The following ZNF516 variants were observed in gnomAD, a reference collection of about 807,000 sequenced individuals.
ZNF516 encodes zinc finger protein 516.
A neutral mutation model predicts 79.7 loss-of-function variants in ZNF516; 19 were observed. The ratio of observed to expected loss-of-function variants is 0.24; its 90% CI spans 0.17 to 0.35. The LOEUF is 0.35. Ranked by LOEUF, ZNF516 falls within the 10% of genes least tolerant of loss-of-function variation. ZNF516 has a pLI of 1.00. For synonymous variants in ZNF516, 877 were observed against 739.5 expected (o/e 1.19, Z -3.02); for missense variants, 1,678 against 1,679.5 (o/e 1.00, Z 0.02).
At chr18:76,397,178 G>A (rs1309230953) in intron 3 of ZNF516, among the ~76,000 whole-genome samples, 1 of 152,162 alleles carries the variant, frequency 6.6e-6, no homozygotes, top group African/African-American at 2.4e-5. Context: ...CAAACACCAA[G>A]GCCATGGAGT....
rs776664715 is a variant in ZNF516 at position 76,442,365 on chromosome 18, G to A, written c.690C>T (p.Gly230=). The change falls in exon 3 of 7, where the codon GGC becomes GGT. Residue 230 remains glycine (G), a synonymous_variant. Transcript: ENST00000443185. ...ERDHITAQGP[G]SGEACVENGK... The stretch of plus-strand genomic sequence containing the variant: ...CGTTCTCCACGCAGGCCTCGCCGCT[G>A]CCGGGCCCCTGCGCGGTGATGTGGT... 1.1e-5 allele frequency: 18 copies of A among 1,609,476 alleles called. No individual in the cohort carries two copies. The East Asian group carries it at 3.8e-4, about 34-fold the overall frequency.
intron 2 of ZNF516, among the ~76,000 whole-genome samples, chr18:76,458,257 T>C (rs1912853522): frequency 6.6e-6 from 1 of 152,254 alleles, no homozygotes; most frequent in Non-Finnish European, 1.5e-5. Flanking sequence ...AGTTTCATTT[T>C]ACGTCCTTTC....
intron 1 of ZNF516, among the ~76,000 whole-genome samples, chr18:76,468,417 CTTTTTTT>C (rs58648821): frequency 7.8e-5 from 10 of 127,424 alleles, no homozygotes; most frequent in African/African-American, 3.0e-4. Flanking sequence ...TCATTAGTGT[CTTTTTTT>C]TTTTTTTTTT....
At chr18:76,414,945 C>T (rs1019097136) in intron 3 of ZNF516, among the ~76,000 whole-genome samples, 2 of 152,232 alleles carry the variant, frequency 1.3e-5, no homozygotes, top group Admixed American at 1.3e-4. Context: ...CGCCTGTAAT[C>T]TCAGCACTTT....
chr18:76,402,521 C>G (rs2075245120), intron 3 of ZNF516, among the ~76,000 whole-genome samples: 1 of 152,206 alleles, frequency 6.6e-6, no homozygotes, highest in Non-Finnish European at 1.5e-5. Context: ...AGTGGCCCCT[C>G]AGGGACCCAG....
chr18:76,364,677 C>T (rs919998307), intron 6 of ZNF516, among the ~76,000 whole-genome samples: 3 of 151,890 alleles, frequency 2.0e-5, no homozygotes, highest in Non-Finnish European at 4.4e-5. Context: ...CGATGCCCCG[C>T]ACACAAAAAA....
At chr18:76,386,497 G>C (rs904420952) in intron 3 of ZNF516, 1 of 152,210 alleles carries the variant, frequency 6.6e-6, no homozygotes, top group African/African-American at 2.4e-5. Flanking sequence ...TAAAGGTTAA[G>C]AAAAGGTAAA....
intron 3 of ZNF516, among the ~76,000 whole-genome samples, chr18:76,421,119 C>T (rs1166417605): frequency 1.3e-5 from 2 of 152,242 alleles, no homozygotes; most frequent in Non-Finnish European, 2.9e-5. Context: ...GCATCCCAAA[C>T]ACCACTCTTA....
rs1396780254 is a variant in ZNF516, at chr18:76,492,980, G to A, written c.-272+2164C>T. 1.0e-5 allele frequency: 10 copies of A among 985,420 alleles called. No homozygotes were observed. The South Asian group carries it at 1.9e-4, about 19-fold the overall frequency. The allele number at this position is 985,420 out of a possible 1,614,324, so 61.0% of individuals were successfully genotyped here. A position where few individuals can be genotyped will look rare whatever the true frequency, so the allele number is the denominator to read the frequency against. ...GACACATGGGCTCATGCACGCGCACGCGCGCGCTCACACACACACCCCAAA... is the reference window on the plus strand; with the variant it reads ...GACACATGGGCTCATGCACGCGCACACGCGCGCTCACACACACACCCCAAA... On this transcript the variant is annotated intron_variant, in intron 1 of 6. Coordinates refer to ENST00000443185, the MANE Select transcript of ZNF516 (RefSeq NM_014643.4).
chr18:76,486,106 A>G (rs1023608348), intron 1 of ZNF516, among the ~76,000 whole-genome samples: 4 of 152,182 alleles, frequency 2.6e-5, no homozygotes, highest in African/African-American at 4.8e-5. Flanking sequence ...ATTGAATGGC[A>G]AACTATTTCT....
At chr18:76,437,151 C>T (rs1157480992) in intron 3 of ZNF516, among the ~76,000 whole-genome samples, 1 of 151,188 alleles carries the variant, frequency 6.6e-6, no homozygotes, top group African/African-American at 2.4e-5. Flanking sequence ...TGTGTTCTAT[C>T]AGAAAGAAAG....
chr18:76,456,752 T>TGGGGGGGGG (rs5826456), intron 2 of ZNF516, among the ~76,000 whole-genome samples: 3 of 117,598 alleles, frequency 2.6e-5, no homozygotes, highest in Non-Finnish European at 3.6e-5. Context: ...GGCTGGGGGG[T>TGGGGGGGGG]GGGGGGGGGC....
intron 2 of ZNF516, among the ~76,000 whole-genome samples, chr18:76,458,654 G>A (rs1043251058): frequency 9.2e-5 from 12 of 129,876 alleles, no homozygotes; most frequent in East Asian, 8.1e-4. Flanking sequence ...ACCGTCGTGC[G>A]TGTGCGTGCC....
intron 1 of ZNF516, among the ~76,000 whole-genome samples, chr18:76,477,260 T>C (rs1450636239): frequency 6.6e-6 from 1 of 152,186 alleles, no homozygotes; most frequent in African/African-American, 2.4e-5. Flanking sequence ...GAATTCTAGT[T>C]TGTTTCAATA....
chr18:76,410,713 C>T (rs528801955), intron 3 of ZNF516, among the ~76,000 whole-genome samples: 18 of 152,194 alleles, frequency 1.2e-4, no homozygotes, highest in Non-Finnish European at 2.5e-4. Flanking sequence ...TTGTGGGAGA[C>T]TTGAGAGTCG....
At chr18:76,397,805 G>A (rs950822530) in intron 3 of ZNF516, among the ~76,000 whole-genome samples, 2 of 152,098 alleles carry the variant, frequency 1.3e-5, no homozygotes, top group Admixed American at 6.5e-5. Flanking sequence ...TCACTCTGTT[G>A]CCAGGCTGTT....
At chr18:76,465,126 A>G (rs1255367800) in intron 1 of ZNF516, among the ~76,000 whole-genome samples, 2 of 152,242 alleles carry the variant, frequency 1.3e-5, no homozygotes, top group Admixed American at 6.5e-5. Context: ...GGTCATCCAC[A>G]CTATCTGCTG....
intron 1 of ZNF516, among the ~76,000 whole-genome samples, chr18:76,485,952 G>A (rs1259221086): frequency 7.8e-6 from 1 of 127,884 alleles, no homozygotes; most frequent in Non-Finnish European, 1.8e-5. Context: ...TTTTGCTCTA[G>A]GTTAAAATCA....
At chr18:76,434,277 C>T (rs8094460) in intron 3 of ZNF516, among the ~76,000 whole-genome samples, 2,995 of 152,282 alleles carry the variant, frequency 0.02, 78 homozygotes, top group African/African-American at 0.068. Context: ...GAGGACCGAG[C>T]GCCACTTCTT....
Sources: gnomAD v4.1 joint callset for allele counts (sites outside exome capture counted in the v4.1 genomes callset) on GRCh38, gnomAD v4.1.1 for gene constraint, MANE v1.5 for transcripts, NCBI Gene and HGNC (gene_info 2026-07-23, HGNC 2026-07-21) for gene names.